Variants in WWOX observed in about 807,000 individuals in gnomAD.
WWOX encodes WW domain containing oxidoreductase.
WWOX carries 69 observed loss-of-function variants against 46.2 expected under a neutral mutation model. The ratio of observed to expected loss-of-function variants is 1.49; its 90% CI spans 1.23 to 1.82. The LOEUF (loss-of-function observed/expected upper bound fraction) is 1.82. WWOX is among the 40% of genes most tolerant of loss of function. WWOX has a pLI of 0.00. For synonymous variants in WWOX, 359 were observed against 202.6 expected (o/e 1.77, Z -6.56); for missense variants, 919 against 542.6 (o/e 1.69, Z -6.89).
chr16:79,136,720 G>A (rs2049988261), intron 8 of WWOX, among the ~76,000 whole-genome samples: 1 of 152,180 alleles, frequency 6.6e-6, no homozygotes, highest in South Asian at 2.1e-4. Context: ...GTGACTTTAT[G>A]TGGCTAAGCC....
intron 5 of WWOX, among the ~76,000 whole-genome samples, chr16:78,330,546 G>A (rs2080731165): frequency 6.6e-6 from 1 of 152,124 alleles, no homozygotes; most frequent in South Asian, 2.1e-4. Flanking sequence ...ACAGGCGCAT[G>A]CCACCACCGC....
At chr16:78,298,920 C>T (rs528789266) in intron 5 of WWOX, among the ~76,000 whole-genome samples, 21 of 152,100 alleles carry the variant, frequency 1.4e-4, no homozygotes, top group African/African-American at 4.3e-4. Flanking sequence ...TTATTGCTAC[C>T]GGACAAGTGT....
chr16:79,072,767 A>G (rs138217921), intron 8 of WWOX, among the ~76,000 whole-genome samples: 2 of 152,300 alleles, frequency 1.3e-5, no homozygotes, highest in East Asian at 1.9e-4. Flanking sequence ...CTTTGCCTGT[A>G]TATTTATCAT....
At chr16:79,173,871 G>C (rs569409527) in intron 8 of WWOX, among the ~76,000 whole-genome samples, 1 of 152,328 alleles carries the variant, frequency 6.6e-6, no homozygotes, top group South Asian at 2.1e-4. Context: ...GGATGGGGGA[G>C]AGGACGGTGG....
At chr16:79,049,161 C>T (rs1340674514) in intron 8 of WWOX, among the ~76,000 whole-genome samples, 1 of 152,214 alleles carries the variant, frequency 6.6e-6, no homozygotes, top group Non-Finnish European at 1.5e-5. Context: ...CAGTCACCAT[C>T]ACAACTATTC....
At chr16:78,949,106 A>G (rs1597192494) in intron 8 of WWOX, among the ~76,000 whole-genome samples, 1 of 152,204 alleles carries the variant, frequency 6.6e-6, no homozygotes, top group African/African-American at 2.4e-5. Flanking sequence ...CGGGGACCTC[A>G]GTTCTGCAAC....
In WWOX at chr16:78,449,171, G is replaced by A. The variant is rs559073599; in HGVS notation, c.1056+16419G>A. On this transcript the variant is annotated intron_variant, in intron 8 of 8. Coordinates refer to ENST00000566780, the MANE Select transcript of WWOX (RefSeq NM_016373.4). ...CAGTGGATTGAAGGCTTCCTTTCCT[G>A]CCTGGTGTTTGGTTCCTTGCCACGT... 1.3e-5 allele frequency among the ~76,000 whole-genome samples: 2 copies of A among 152,294 alleles called. 1 individual carries two copies. The highest frequency in any genetic ancestry group is 3.9e-4 in the East Asian group (2 of 5,168).
chr16:78,769,912 G>T lies in WWOX; in HGVS notation c.1056+337160G>T, dbSNP rs944007950. 2.0e-4 allele frequency among the ~76,000 whole-genome samples: 31 copies of T among 151,922 alleles called. 1 individual carries two copies. The highest frequency in any genetic ancestry group is 2.0e-3 in the Admixed American group (31 of 15,226). Reference sequence around the variant, plus strand: ...AAAAAGTAGTTGGGCGTGTGTGGTGGAGCATGTGGGGGTCCCAGCTACTTG... The same window carrying T: ...AAAAAGTAGTTGGGCGTGTGTGGTGTAGCATGTGGGGGTCCCAGCTACTTG... On this transcript the variant is annotated intron_variant, in intron 8 of 8. Transcript: ENST00000566780.
At chr16:78,297,746 A>T (rs1448214098) in intron 5 of WWOX, among the ~76,000 whole-genome samples, 38 of 152,202 alleles carry the variant, frequency 2.5e-4, no homozygotes, top group Non-Finnish European at 5.9e-5. Flanking sequence ...GTGGAATACA[A>T]AAGTCATGAC....
At chr16:78,515,880 C>A (rs2043224552) in intron 8 of WWOX, among the ~76,000 whole-genome samples, 1 of 152,172 alleles carries the variant, frequency 6.6e-6, no homozygotes, top group African/African-American at 2.4e-5. Flanking sequence ...AGAAAGACAC[C>A]TGAAGGTGAA....
At chr16:78,602,132 G>C (rs577039632) in intron 8 of WWOX, among the ~76,000 whole-genome samples, 7 of 152,294 alleles carry the variant, frequency 4.6e-5, no homozygotes, top group African/African-American at 1.7e-4. Context: ...AATCACACTA[G>C]TAGAATCTCT....
intron 8 of WWOX, among the ~76,000 whole-genome samples, chr16:79,029,877 A>G (rs955214575): frequency 6.6e-6 from 1 of 152,224 alleles, no homozygotes; most frequent in Admixed American, 6.5e-5. Flanking sequence ...TAACTATCAA[A>G]TAGAAAATCG....
chr16:79,138,083 C>G (rs2050017858), intron 8 of WWOX, among the ~76,000 whole-genome samples: 1 of 152,158 alleles, frequency 6.6e-6, no homozygotes, highest in South Asian at 2.1e-4. Context: ...TGATTGAAAG[C>G]CCAAGCCCTG....
intron 8 of WWOX, among the ~76,000 whole-genome samples, chr16:78,522,538 C>G (rs761002818): frequency 2.0e-5 from 3 of 152,166 alleles, no homozygotes; most frequent in Non-Finnish European, 4.4e-5. Flanking sequence ...CCAGATTTCT[C>G]TTTGACTCCC....
At chr16:78,800,545 G>A (rs147224712) in intron 8 of WWOX, among the ~76,000 whole-genome samples, 19 of 152,254 alleles carry the variant, frequency 1.2e-4, no homozygotes, top group Admixed American at 4.6e-4. Context: ...TAATTAGCCT[G>A]CAAACGTGAA....
chr16:78,649,621 C>T (rs1192763701), intron 8 of WWOX, among the ~76,000 whole-genome samples: 1 of 152,212 alleles, frequency 6.6e-6, no homozygotes, highest in Non-Finnish European at 1.5e-5. Context: ...GCCTTTCCCA[C>T]CTCTTAGGTT....
chr16:78,887,915 G>A (rs763905995), intron 8 of WWOX, among the ~76,000 whole-genome samples: 2 of 152,116 alleles, frequency 1.3e-5, no homozygotes, highest in South Asian at 2.1e-4. Context: ...TTCTTAATGA[G>A]GGGATGAATT....
In WWOX at chr16:78,343,893, A is replaced by G. The variant is rs1440078727; in HGVS notation, c.517-42967A>G. Among the ~76,000 whole-genome samples, 2 of 120,244 alleles carry G rather than the reference A, an allele frequency of 1.7e-5. 1 individual carries two copies. The allele number at this position is 120,244 out of a possible 152,430, so 78.9% of individuals were successfully genotyped here. ...CTGAGAAATGATGATGGTGACAATG[A>G]TGACAATGACGATGACCCTTGGTTG... On this transcript the variant is annotated intron_variant, in intron 5 of 8. Coordinates refer to ENST00000566780, the MANE Select transcript of WWOX (RefSeq NM_016373.4).
At chr16:78,512,418 G>T (rs527525625) in intron 8 of WWOX, among the ~76,000 whole-genome samples, 24 of 152,210 alleles carry the variant, frequency 1.6e-4, no homozygotes, top group African/African-American at 5.8e-4. Flanking sequence ...AGTTTTGAGT[G>T]TTTCTGATTT....
Sources: gnomAD v4.1 joint callset for allele counts (sites outside exome capture counted in the v4.1 genomes callset) on GRCh38, gnomAD v4.1.1 for gene constraint, MANE v1.5 for transcripts, NCBI Gene and HGNC (gene_info 2026-07-23, HGNC 2026-07-21) for gene names.